Variants in ANAPC10 observed in about 807,000 individuals in gnomAD.
ANAPC10 encodes anaphase-promoting complex subunit 10.
Under a neutral mutation model 22.0 loss-of-function variants are expected in ANAPC10, and 12 were observed. The ratio of observed to expected loss-of-function variants is 0.55; its 90% CI spans 0.35 to 0.88. The LOEUF (loss-of-function observed/expected upper bound fraction) is 0.88. Among genes scored for constraint, ANAPC10 ranks in the 40% least tolerant of loss-of-function variants. The pLI, the probability that ANAPC10 is intolerant of heterozygous loss-of-function variation, is 0.01. For synonymous variants in ANAPC10, 65 were observed against 69.5 expected (o/e 0.94, Z 0.32); for missense variants, 188 against 220.9 (o/e 0.85, Z 0.94).
At chr4:145,068,718 T>C (rs1301388441) in intron 3 of ANAPC10, among the ~76,000 whole-genome samples, 1 of 152,200 alleles carries the variant, frequency 6.6e-6, no homozygotes, top group African/African-American at 2.4e-5. Flanking sequence ...GAGACCATCC[T>C]GGCCAACATG....
intron 4 of ANAPC10, among the ~76,000 whole-genome samples, chr4:145,015,201 T>C (rs1029471175): frequency 6.6e-6 from 1 of 150,476 alleles, no homozygotes; most frequent in African/African-American, 2.5e-5. Context: ...ATACAAGAAG[T>C]GAAAGGAGAG....
At chr4:145,007,431 C>T (rs563836231) in intron 4 of ANAPC10, among the ~76,000 whole-genome samples, 24 of 151,126 alleles carry the variant, frequency 1.6e-4, no homozygotes, top group South Asian at 6.2e-4. Context: ...GAAATCACAA[C>T]AAACTGTCTC....
At chr4:145,097,249 G>A (rs1748697910) in intron 1 of ANAPC10, 8 of 348,922 alleles carry the variant, frequency 2.3e-5, no homozygotes, top group South Asian at 1.8e-4. Flanking sequence ...ACTTACATAT[G>A]CTCTTACCAT....
chr4:145,024,207 CTT>C (rs1224789704), intron 4 of ANAPC10, among the ~76,000 whole-genome samples: 1 of 152,186 alleles, frequency 6.6e-6, no homozygotes, highest in Non-Finnish European at 1.5e-5. Context: ...TCTGCAGTTA[CTT>C]TCTCAACTGA....
At chr4:145,091,381 C>T (rs368685820) in intron 2 of ANAPC10, among the ~76,000 whole-genome samples, 16 of 152,070 alleles carry the variant, frequency 1.1e-4, no homozygotes, top group African/African-American at 3.9e-4. Context: ...ATTACTGACA[C>T]AATATGGCAC....
intron 4 of ANAPC10, among the ~76,000 whole-genome samples, chr4:145,026,110 T>C (rs971627198): frequency 6.6e-5 from 10 of 152,330 alleles, no homozygotes; most frequent in Admixed American, 3.9e-4. Flanking sequence ...GATCACTTTG[T>C]AGTTTCCTAC....
chr4:145,015,762 A>G (rs1338674231), intron 4 of ANAPC10, among the ~76,000 whole-genome samples: 1 of 152,186 alleles, frequency 6.6e-6, no homozygotes, highest in Non-Finnish European at 1.5e-5. Context: ...TCTACAAGCT[A>G]GAAGAGATTA....
intron 3 of ANAPC10, among the ~76,000 whole-genome samples, chr4:145,066,716 T>C (rs370126263): frequency 7.2e-5 from 11 of 152,202 alleles, no homozygotes; most frequent in South Asian, 2.1e-4. Flanking sequence ...TCTATACATA[T>C]TGTCTCATTT....
chr4:145,040,084 T>C (rs1739271445), intron 4 of ANAPC10, among the ~76,000 whole-genome samples: 1 of 151,982 alleles, frequency 6.6e-6, no homozygotes, highest in Admixed American at 6.6e-5. Flanking sequence ...CATGAGATTA[T>C]ATAGAAAAGC....
intron 2 of ANAPC10, among the ~76,000 whole-genome samples, chr4:145,085,741 A>C (rs1406797798): frequency 2.0e-5 from 3 of 152,198 alleles, no homozygotes; most frequent in Non-Finnish European, 4.4e-5. Context: ...AAGTATGATT[A>C]CCAACTTTTG....
intron 4 of ANAPC10, among the ~76,000 whole-genome samples, chr4:145,050,601 G>A (rs924853092): frequency 8.5e-5 from 13 of 152,146 alleles, no homozygotes; most frequent in African/African-American, 3.1e-4. Context: ...GTGTTGCTTG[G>A]TGTATCTACC....
chr4:144,999,073 T>C (rs536591774), intron 4 of ANAPC10, among the ~76,000 whole-genome samples: 14 of 152,242 alleles, frequency 9.2e-5, no homozygotes, highest in East Asian at 1.9e-4. Context: ...CAGGAAGAAG[T>C]TGAATCCCTG....
At chr4:145,042,145 C>T (rs920290276) in intron 4 of ANAPC10, among the ~76,000 whole-genome samples, 5 of 152,154 alleles carry the variant, frequency 3.3e-5, no homozygotes, top group African/African-American at 1.2e-4. Flanking sequence ...ACTGCCAACA[C>T]ACTAGACTAC....
At chr4:145,094,951 T>C (rs952759873) in intron 2 of ANAPC10, among the ~76,000 whole-genome samples, 11 of 152,198 alleles carry the variant, frequency 7.2e-5, no homozygotes, top group African/African-American at 2.7e-4. Flanking sequence ...TTTTGGCGTA[T>C]GTTATCACTC....
intron 4 of ANAPC10, among the ~76,000 whole-genome samples, chr4:144,996,447 C>T (rs1365310901): frequency 6.6e-6 from 1 of 152,126 alleles, no homozygotes; most frequent in Non-Finnish European, 1.5e-5. Context: ...AGAAGGGAGA[C>T]TTGGCGCTCC....
At chr4:145,010,345 A>T (rs558033704) in intron 4 of ANAPC10, among the ~76,000 whole-genome samples, 8 of 152,310 alleles carry the variant, frequency 5.3e-5, no homozygotes, top group Non-Finnish European at 1.0e-4. Flanking sequence ...AGGATTATAA[A>T]TCAAGCTGCT....
rs1434231053 is a variant in ANAPC10, at chr4:145,097,762, T to TA, written c.-13+357dup. 8.7e-5 allele frequency: 30 copies of TA among 343,760 alleles called. No individual in the cohort carries two copies. The Admixed American group carries it at 1.1e-3, about 13-fold the overall frequency. 21.3% of individuals were successfully genotyped at this position (343,760 alleles called of 1,614,324 possible). A position where few individuals can be genotyped will look rare whatever the true frequency, so the allele number is the denominator to read the frequency against. On this transcript the variant is annotated intron_variant, in intron 1 of 4. Transcript: ENST00000507656. ...ATTACTAACTGAATGTCCTGTTACC[T>TA]AAAAAAAGATAGAAATAAAGCCCAT...
intron 4 of ANAPC10, among the ~76,000 whole-genome samples, chr4:145,030,391 A>C (rs1241914720): frequency 6.6e-6 from 1 of 152,206 alleles, no homozygotes; most frequent in Admixed American, 6.5e-5. Context: ...TTCCCCAAGA[A>C]GACCTCTGGC....
At chr4:145,071,539 A>T (rs1254879662) in intron 3 of ANAPC10, among the ~76,000 whole-genome samples, 1 of 152,206 alleles carries the variant, frequency 6.6e-6, no homozygotes, top group Non-Finnish European at 1.5e-5. Context: ...GAATTTTATT[A>T]TTCACCATCT....
Sources: gnomAD v4.1 joint callset for allele counts (sites outside exome capture counted in the v4.1 genomes callset) on GRCh38, gnomAD v4.1.1 for gene constraint, MANE v1.5 for transcripts, NCBI Gene and HGNC (gene_info 2026-07-23, HGNC 2026-07-21) for gene names.